OCSTAMP: variants seen among roughly 807,000 people sequenced by gnomAD.
OCSTAMP encodes osteoclast stimulatory transmembrane protein, also known as transmembrane protein C20orf123.
OCSTAMP carries 17 observed loss-of-function variants against 25.2 expected under a neutral mutation model. The ratio of observed to expected loss-of-function variants is 0.68; its 90% CI spans 0.46 to 1.01. OCSTAMP has a LOEUF of 1.01. Ranked by LOEUF, OCSTAMP falls within the 50% of genes least tolerant of loss-of-function variation. The pLI is 0.00. For synonymous variants in OCSTAMP, 345 were observed against 318.9 expected, an observed-to-expected ratio of 1.08 and a Z score of -0.87; for missense variants, 664 against 694.6, an observed-to-expected ratio of 0.96 and a Z score of 0.50.
intron 1 of OCSTAMP, among the ~76,000 whole-genome samples, chr20:46,549,806 C>CTGTGTGTTTGTGTGTGTGTGTGTGTGTG (rs767000638): frequency 2.1e-5 from 3 of 142,368 alleles, no homozygotes. Context: ...TTGTGGCCCA[C>CTGTGTGTTTGTGTGTGTGTGTGTGTGTG]TCTGTGTGTG....
At position 46,541,788 on chromosome 20, in the gene OCSTAMP, C is replaced by T. The variant is rs1226995424; in HGVS notation, c.1187G>A (p.Arg396His). 6.0e-6 allele frequency: 9 copies of T among 1,497,812 alleles called. No homozygotes were observed. Among genetic ancestry groups the T allele is most frequent in the Admixed American group, 2.5e-5 (1 of 40,592 alleles). 92.8% of individuals were successfully genotyped at this position (1,497,812 alleles called of 1,614,324 possible). ...GGCCAGCGGGGCAGCTGCGCGGGGA[C>T]GCCGGGCGGGTAGCAGTGGGCAGCG... Reference protein sequence around the residue: ...SARCPLLPARRPRAAAPLAAG... With the variant: ...SARCPLLPARHPRAAAPLAAG... Residue 396 changes from arginine (R) to histidine (H), a missense_variant, in exon 3 of 3, where the codon CGT (arginine) becomes CAT (histidine). Arg to His is a conservative substitution (Grantham distance 29, BLOSUM62 0). Transcript: ENST00000279028.
At chr20:46,548,373 TGCC>T (rs2061859892) in intron 1 of OCSTAMP, among the ~76,000 whole-genome samples, 1 of 152,232 alleles carries the variant, frequency 6.6e-6, no homozygotes, top group African/African-American at 2.4e-5. Flanking sequence ...ATGTCCCAAG[TGCC>T]TACAATAGTG....
chr20:46,547,285 T>C (rs1173539527), intron 1 of OCSTAMP, among the ~76,000 whole-genome samples: 1 of 152,142 alleles, frequency 6.6e-6, no homozygotes, highest in Non-Finnish European at 1.5e-5. Context: ...TGGTTGGAAA[T>C]AGAAGTCAGG....
intron 2 of OCSTAMP, among the ~76,000 whole-genome samples, chr20:46,544,969 C>T (rs2061846247): frequency 1.3e-5 from 2 of 152,120 alleles, no homozygotes; most frequent in South Asian, 2.1e-4. Context: ...AAGACAATAC[C>T]ACATTGTAAG....
chr20:46,544,751 G>T (rs961218154), intron 2 of OCSTAMP, among the ~76,000 whole-genome samples: 1 of 152,140 alleles, frequency 6.6e-6, no homozygotes, highest in Non-Finnish European at 1.5e-5. Flanking sequence ...ACAATATATT[G>T]ACAAATGGCA....
At chr20:46,547,224 A>C (rs2061855973) in intron 1 of OCSTAMP, among the ~76,000 whole-genome samples, 1 of 152,096 alleles carries the variant, frequency 6.6e-6, no homozygotes, top group Admixed American at 6.5e-5. Flanking sequence ...TCAGTTCAGA[A>C]CTCTTAAATT....
At chr20:46,549,493 G>A (rs989448054) in intron 1 of OCSTAMP, among the ~76,000 whole-genome samples, 1 of 152,206 alleles carries the variant, frequency 6.6e-6, no homozygotes, top group African/African-American at 2.4e-5. Flanking sequence ...CCTGGGCCTG[G>A]ACTGGGGTGG....
At chr20:46,543,883 A>G (rs997901671) in intron 2 of OCSTAMP, among the ~76,000 whole-genome samples, 1 of 152,142 alleles carries the variant, frequency 6.6e-6, no homozygotes, top group African/African-American at 2.4e-5. Context: ...ACATTGCCTG[A>G]CACATTTCTT....
chr20:46,545,278 CT>C (rs1485455866), intron 2 of OCSTAMP, 48 bp downstream of exon 2: 46 of 1,424,320 alleles, frequency 3.2e-5, no homozygotes, highest in Non-Finnish European at 4.2e-5. Flanking sequence ...GATTCTCCCC[CT>C]GCCCTCAAAA....
rs1322381950 is a variant in OCSTAMP at position 46,541,679 on chromosome 20, G to A, written c.1296C>T (p.Ser432=). The A allele has an allele frequency of 6.5e-7, 1 of 1,550,368 alleles. No individual in the cohort carries two copies. Among genetic ancestry groups the A allele is most frequent in the African/African-American group, 1.4e-5 (1 of 73,182 alleles). ...TCCTCGCCTCCTGGGCTGTGAAGAA[G>A]GAAGCGGCGATGGCATGCCGCAGGC... ...ARRLRHAIAA[S]FFTAQEARRV... Residue 432 remains serine, a synonymous_variant, in exon 3 of 3, where the codon TCC becomes TCT. Coordinates refer to ENST00000279028, the MANE Select transcript of OCSTAMP (RefSeq NM_080721.3).
At chr20:46,546,383 T>C in intron 1 of OCSTAMP, 54 bp from the exon 2 acceptor site, 1 of 1,430,878 alleles carries the variant, frequency 7.0e-7, no homozygotes, top group Non-Finnish European at 9.5e-7. Context: ...TGGGTGGGTG[T>C]CTGTCCACTG....
In OCSTAMP at chr20:46,549,644, G is replaced by A. The variant is rs55668715; in HGVS notation, c.44+873C>T. 8.0e-3 allele frequency among the ~76,000 whole-genome samples: 1,222 copies of A among 152,210 alleles called. 23 individuals are homozygous for A. Among genetic ancestry groups the A allele is most frequent in the African/African-American group, 0.027 (1,125 of 41,524 alleles). ...GGACATCCCTGACAGAAGGAACAGC[G>A]TGTGCAAAGGTCCTGTGCTCTGACC... On this transcript the variant is annotated intron_variant, in intron 1 of 2. Transcript: ENST00000279028.
At chr20:46,548,793 A>G (rs2061861049) in intron 1 of OCSTAMP, among the ~76,000 whole-genome samples, 1 of 152,160 alleles carries the variant, frequency 6.6e-6, no homozygotes, top group South Asian at 2.1e-4. Context: ...GGTCTAGTTG[A>G]TCCAAGTACC....
At chr20:46,549,778 A>T (rs2146056687) in intron 1 of OCSTAMP, among the ~76,000 whole-genome samples, 1 of 69,232 alleles carries the variant, frequency 1.4e-5, no homozygotes, top group East Asian at 4.3e-4. Context: ...AGGCTGAATC[A>T]TATGCAAATG....
At position 46,541,011 on chromosome 20, in the gene OCSTAMP, G is replaced by A; in HGVS notation, c.*263C>T. On this transcript the variant is annotated 3_prime_UTR_variant, in exon 3 of 3. Transcript: ENST00000279028. ...ATGGAAAGGCCCTGAAGGAATTTGA[G>A]GCAGAGGAATAACGTAATCTAAGAT... 1 of 384,396 alleles carries A rather than the reference G, an allele frequency of 2.6e-6. No homozygotes were observed. Among genetic ancestry groups the A allele is most frequent in the African/African-American group, 2.0e-5 (1 of 50,636 alleles). The allele number at this position is 384,396 out of a possible 1,614,324, so 23.8% of individuals were successfully genotyped here. A position where few individuals can be genotyped will look rare whatever the true frequency, so the allele number is the denominator to read the frequency against.
At chr20:46,543,815 G>GCTGACTATCTGAGT (rs1189190553) in intron 2 of OCSTAMP, among the ~76,000 whole-genome samples, 2 of 152,202 alleles carry the variant, frequency 1.3e-5, no homozygotes, top group Non-Finnish European at 2.9e-5. Context: ...GGTGTGACTT[G>GCTGACTATCTGAGT]CAATTGATGA....
chr20:46,543,294 T>TTTCCTTC (rs1298005885), intron 2 of OCSTAMP, among the ~76,000 whole-genome samples: 1 of 98,656 alleles, frequency 1.0e-5, no homozygotes, highest in Admixed American at 1.1e-4. Flanking sequence ...TTTCTTTCTC[T>TTTCCTTC]CTTTCTCTTT....
Position 46,540,980 on chromosome 20 carries a change from C to T in OCSTAMP, c.*294G>A. On this transcript the variant is annotated 3_prime_UTR_variant, in exon 3 of 3. Transcript: ENST00000279028. ...TATTTTAATTTGGCAAAATCTAATC[C>T]TGGCAATGGAAAGGCCCTGAAGGAA... 3.2e-6 allele frequency: 1 copy of T among 312,876 alleles called. No homozygotes were observed. 19.4% of individuals were successfully genotyped at this position (312,876 alleles called of 1,614,324 possible).
At chr20:46,543,720 T>A (rs113062203) in intron 2 of OCSTAMP, among the ~76,000 whole-genome samples, 11 of 152,210 alleles carry the variant, frequency 7.2e-5, no homozygotes, top group Non-Finnish European at 1.6e-4. Flanking sequence ...TTTATACAAA[T>A]ACAATAAAAA....
Sources: gnomAD v4.1 joint callset for allele counts (sites outside exome capture counted in the v4.1 genomes callset) on GRCh38, gnomAD v4.1.1 for gene constraint, MANE v1.5 for transcripts, NCBI Gene and HGNC (gene_info 2026-07-23, HGNC 2026-07-21) for gene names.